The following GNAL variants were observed in gnomAD, a reference collection of about 807,000 sequenced individuals.
GNAL encodes the protein guanine nucleotide-binding protein G(olf) subunit alpha.
A neutral mutation model predicts 55.1 loss-of-function variants in GNAL; 18 were observed. The ratio of observed to expected loss-of-function variants is 0.33; its 90% CI spans 0.23 to 0.48. The LOEUF is 0.48. GNAL is among the 20% of genes least tolerant of loss of function. The pLI, the probability that GNAL is intolerant of heterozygous loss-of-function variation, is 0.99. For synonymous variants in GNAL, 253 were observed against 237.0 expected (o/e 1.07, Z -0.62); for missense variants, 412 against 614.1 (o/e 0.67, Z 3.48).
intron 5 of GNAL, among the ~76,000 whole-genome samples, chr18:11,861,122 A>G (rs2036123897): frequency 6.6e-6 from 1 of 152,198 alleles, no homozygotes. Flanking sequence ...ACCAAAGGAC[A>G]GAACCAGCCA....
Position 11,872,414 on chromosome 18 carries a change from A to G in GNAL, c.1162+16A>G, listed in dbSNP as rs2036418231. On this transcript the variant is annotated intron_variant, in intron 10 of 11. Transcript: ENST00000334049. ...CCTGAAGACGGTAAGATTTCAAAAC[A>G]CATTCTTATGATTGAGGAATAGAAT... 6.7e-7 allele frequency: 1 copy of G among 1,495,440 alleles called. No homozygotes were observed. 92.6% of individuals were successfully genotyped at this position (1,495,440 alleles called of 1,614,324 possible). A position where few individuals can be genotyped will look rare whatever the true frequency, so the allele number is the denominator to read the frequency against.
chr18:11,767,863 A>G (rs758441154), intron 4 of GNAL, among the ~76,000 whole-genome samples: 2 of 152,198 alleles, frequency 1.3e-5, no homozygotes, highest in Non-Finnish European at 2.9e-5. Flanking sequence ...AAGATTTCCA[A>G]GAACACAGTT....
intron 5 of GNAL, among the ~76,000 whole-genome samples, chr18:11,835,087 G>A (rs1023592063): frequency 6.6e-6 from 1 of 152,146 alleles, no homozygotes; most frequent in African/African-American, 2.4e-5. Context: ...ATGGGAATTT[G>A]AGCTACACAG....
chr18:11,754,470 T>C (rs569227599), intron 4 of GNAL, among the ~76,000 whole-genome samples: 17 of 151,004 alleles, frequency 1.1e-4, no homozygotes, highest in Admixed American at 2.6e-4. Flanking sequence ...CTTTTATGAG[T>C]GTATGGGGAA....
At chr18:11,872,208 T>C in intron 9 of GNAL, 60 bp from the exon 10 acceptor site, 1 of 1,122,434 alleles carries the variant, frequency 8.9e-7, no homozygotes, top group South Asian at 1.4e-5. Context: ...ACTTCTATGT[T>C]AGAGGCACTT....
chr18:11,873,616 A>G (rs1050610945), intron 10 of GNAL, among the ~76,000 whole-genome samples: 6 of 152,314 alleles, frequency 3.9e-5, no homozygotes, highest in Admixed American at 2.6e-4. Context: ...AGACCAAATC[A>G]AGTGGAAATC....
chr18:11,870,086 A>C (rs888593617), intron 9 of GNAL, among the ~76,000 whole-genome samples: 1 of 152,218 alleles, frequency 6.6e-6, no homozygotes, highest in African/African-American at 2.4e-5. Context: ...ATATGCAAAT[A>C]CTACACCATT....
chr18:11,825,959 G>A lies in GNAL; in HGVS notation c.722+944G>A, dbSNP rs181978346. On this transcript the variant is annotated intron_variant, in intron 5 of 11. Coordinates refer to ENST00000334049, the MANE Select transcript of GNAL (RefSeq NM_182978.4). ...ACTAGTTGTTTTATGTAAAGCTGTG[G>A]ATAGCAAGAAATGAAAAATTTTACA... 8.5e-5 allele frequency among the ~76,000 whole-genome samples: 13 copies of A among 152,212 alleles called. No individual in the cohort carries two copies. In the East Asian group the frequency reaches 2.5e-3, roughly 29 times the overall value.
chr18:11,736,734 C>T (rs145122561), intron 1 of GNAL, among the ~76,000 whole-genome samples: 6 of 152,324 alleles, frequency 3.9e-5, no homozygotes, highest in Non-Finnish European at 7.3e-5. Context: ...GCTGTGTGAT[C>T]CTGGGCCAGC....
In GNAL at chr18:11,712,509, C is replaced by T. The variant is rs138334589; in HGVS notation, c.376+22570C>T. ...TTCAGCAGGGCAATAAATTTTTCAGCGGGGCTGGGACTTTCTATTTTGCCA... is the reference window on the plus strand; with the variant it reads ...TTCAGCAGGGCAATAAATTTTTCAGTGGGGCTGGGACTTTCTATTTTGCCA... On this transcript the variant is annotated intron_variant, in intron 1 of 11. Transcript: ENST00000334049. Among the ~76,000 whole-genome samples the T allele has an allele frequency of 4.8e-3, 728 of 152,274 alleles. 5 individuals carry two copies. The highest frequency in any genetic ancestry group is 0.016 in the African/African-American group (681 of 41,544).
chr18:11,794,150 G>A (rs1331458352), intron 4 of GNAL, among the ~76,000 whole-genome samples: 1 of 152,218 alleles, frequency 6.6e-6, no homozygotes, highest in African/African-American at 2.4e-5. Flanking sequence ...CATTGCTGCT[G>A]GAAGTGCAGA....
At chr18:11,782,994 C>A (rs1360139884) in intron 4 of GNAL, among the ~76,000 whole-genome samples, 3 of 152,192 alleles carry the variant, frequency 2.0e-5, no homozygotes, top group Non-Finnish European at 4.4e-5. Flanking sequence ...CCCCATAAGC[C>A]AGACTCTGAC....
rs113044698 is a variant in GNAL at position 11,875,500 on chromosome 18, C to T, written c.1163-1121C>T. On this transcript the variant is annotated intron_variant, in intron 10 of 11. Coordinates refer to ENST00000334049, the MANE Select transcript of GNAL (RefSeq NM_182978.4). ...TGGATCATTTTTGAATGGTTTAGCA[C>T]CATCCTCTTGACACTGTTTTCAAGA... Among the ~76,000 whole-genome samples, 585 of 152,226 alleles carry T rather than the reference C, an allele frequency of 3.8e-3. 4 individuals are homozygous for T. The highest frequency in any genetic ancestry group is 7.1e-3 in the Non-Finnish European group (486 of 68,032).
In GNAL at chr18:11,689,802, A is replaced by G; in HGVS notation, c.239A>G (p.Gln80Arg). ...KPKEKRQRTE[Q>R]LSAEEREAAK... ...AAGGAGAAGCGGCAGCGCACCGAGC[A>G]GCTGAGTGCCGAGGAGCGCGAGGCG... Residue 80 changes from glutamine to arginine, a missense_variant, in exon 1 of 12, where the codon CAG becomes CGG. Physicochemically the swap from Gln to Arg is conservative, Grantham distance 43 (BLOSUM62 1). Coordinates refer to ENST00000334049, the MANE Select transcript of GNAL (RefSeq NM_182978.4). The G allele has an allele frequency of 6.5e-7, 1 of 1,538,558 alleles. No homozygotes were observed.
Position 11,880,978 on chromosome 18 carries a change from C to T in GNAL, c.1231-11C>T, listed in dbSNP as rs763492473. Reference sequence around the variant, plus strand: ...GCCGCGCAGGGCTAGTGCACACGCTCTCTCTTGCAGAGGATCAGCACGGCC... The same window carrying T: ...GCCGCGCAGGGCTAGTGCACACGCTTTCTCTTGCAGAGGATCAGCACGGCC... On this transcript the variant is annotated splice_polypyrimidine_tract_variant and intron_variant, in intron 11 of 11. Coordinates refer to ENST00000334049, the MANE Select transcript of GNAL (RefSeq NM_182978.4). 4 of 1,613,048 alleles carry T rather than the reference C, an allele frequency of 2.5e-6. No homozygotes were observed. The highest frequency in any genetic ancestry group is 2.5e-6 in the Non-Finnish European group (3 of 1,179,300).
intron 1 of GNAL, among the ~76,000 whole-genome samples, chr18:11,707,703 C>T (rs1381610818): frequency 6.6e-6 from 1 of 152,226 alleles, no homozygotes; most frequent in Non-Finnish European, 1.5e-5. Flanking sequence ...TTATGAAAGT[C>T]CTAGGTGGCA....
chr18:11,820,176 G>C (rs1439939416), intron 4 of GNAL, among the ~76,000 whole-genome samples: 1 of 152,082 alleles, frequency 6.6e-6, no homozygotes, highest in East Asian at 1.9e-4. Flanking sequence ...TACAGGGTGG[G>C]GGATATTTAT....
intron 1 of GNAL, among the ~76,000 whole-genome samples, chr18:11,700,374 C>T (rs951698195): frequency 8.5e-5 from 13 of 152,324 alleles, no homozygotes; most frequent in Admixed American, 2.0e-4. Context: ...TAGCACCTGA[C>T]GGGAGGGGCA....
intron 5 of GNAL, among the ~76,000 whole-genome samples, chr18:11,825,912 T>C (rs1004015707): frequency 6.6e-6 from 1 of 152,156 alleles, no homozygotes; most frequent in African/African-American, 2.4e-5. Flanking sequence ...TTTGCTGTTT[T>C]GATAATTAAA....
Sources: gnomAD v4.1 joint callset for allele counts (sites outside exome capture counted in the v4.1 genomes callset) on GRCh38, gnomAD v4.1.1 for gene constraint, MANE v1.5 for transcripts, NCBI Gene and HGNC (gene_info 2026-07-23, HGNC 2026-07-21) for gene names.